GRIK1: variants seen among roughly 807,000 people sequenced by gnomAD.
The protein encoded by GRIK1 is glutamate receptor ionotropic, kainate 1.
A neutral mutation model predicts 105.7 loss-of-function variants in GRIK1; 69 were observed. The ratio of observed to expected loss-of-function variants is 0.65; its 90% CI spans 0.54 to 0.80. The LOEUF is 0.80. Among genes scored for constraint, GRIK1 ranks in the 30% least tolerant of loss-of-function variants. The pLI is 0.00. For missense variants in GRIK1, 1,109 were observed against 1,167.3 expected (o/e 0.95, Z 0.73); for synonymous variants, 438 against 431.3 (o/e 1.02, Z -0.19).
At chr21:29,789,664 A>G (rs992520323) in intron 1 of GRIK1, among the ~76,000 whole-genome samples, 7 of 152,180 alleles carry the variant, frequency 4.6e-5, no homozygotes, top group African/African-American at 1.7e-4. Context: ...TGTTATTGCA[A>G]AAGTCCTTTC....
intron 3 of GRIK1, among the ~76,000 whole-genome samples, chr21:29,682,777 C>G (rs947894029): frequency 5.3e-5 from 8 of 152,116 alleles, no homozygotes; most frequent in Admixed American, 5.2e-4. Context: ...CAAACATTGA[C>G]AAGTGGGACC....
At chr21:29,934,332 T>C (rs1240696887) in intron 1 of GRIK1, among the ~76,000 whole-genome samples, 2 of 152,206 alleles carry the variant, frequency 1.3e-5, no homozygotes, top group Non-Finnish European at 2.9e-5. Flanking sequence ...TAATTTCTTA[T>C]ATTCGATTTC....
intron 1 of GRIK1, among the ~76,000 whole-genome samples, chr21:29,915,299 G>A (rs1401826329): frequency 6.6e-6 from 1 of 151,938 alleles, no homozygotes; most frequent in African/African-American, 2.4e-5. Flanking sequence ...ACTTGATCTG[G>A]CATATCCAAC....
At chr21:29,610,261 G>C (rs988997274) in intron 7 of GRIK1, among the ~76,000 whole-genome samples, 1 of 152,090 alleles carries the variant, frequency 6.6e-6, no homozygotes, top group African/African-American at 2.4e-5. Flanking sequence ...TAAATGTCAT[G>C]CTTTTCCCCA....
chr21:29,739,942 A>G (rs1211591920), intron 1 of GRIK1, among the ~76,000 whole-genome samples: 1 of 152,216 alleles, frequency 6.6e-6, no homozygotes, highest in East Asian at 1.9e-4. Flanking sequence ...TTTATAGATA[A>G]CTGTCATATG....
intron 1 of GRIK1, among the ~76,000 whole-genome samples, chr21:29,739,277 T>C (rs114136792): frequency 6.6e-6 from 1 of 152,050 alleles, no homozygotes; most frequent in Non-Finnish European, 1.5e-5. Flanking sequence ...CTGAATGTGA[T>C]GAGAAACAGA....
chr21:29,714,981 T>G (rs973220885), intron 1 of GRIK1, among the ~76,000 whole-genome samples: 1 of 152,196 alleles, frequency 6.6e-6, no homozygotes, highest in African/African-American at 2.4e-5. Context: ...ATTATTTTCA[T>G]TAGAATTCAG....
chr21:29,697,800 C>T (rs2063732357), intron 1 of GRIK1, among the ~76,000 whole-genome samples: 1 of 152,114 alleles, frequency 6.6e-6, no homozygotes, highest in Admixed American at 6.5e-5. Context: ...AAGGGGCACA[C>T]ACGTTGGGGC....
intron 7 of GRIK1, among the ~76,000 whole-genome samples, chr21:29,635,993 C>T (rs1453030924): frequency 6.6e-6 from 1 of 152,166 alleles, no homozygotes; most frequent in Admixed American, 6.5e-5. Context: ...TCTCCCAGGC[C>T]TACCAGGGAC....
chr21:29,935,565 C>A (rs910050285), intron 1 of GRIK1, among the ~76,000 whole-genome samples: 1 of 152,030 alleles, frequency 6.6e-6, no homozygotes, highest in Non-Finnish European at 1.5e-5. Flanking sequence ...TTAAAATATC[C>A]AAAATGATGC....
At chr21:29,923,118 T>C (rs575952559) in intron 1 of GRIK1, among the ~76,000 whole-genome samples, 1 of 152,336 alleles carries the variant, frequency 6.6e-6, no homozygotes, top group African/African-American at 2.4e-5. Flanking sequence ...TGACTGAGTA[T>C]GAATTATGCT....
chr21:29,540,970 A>AAT (rs1472823088), intron 16 of GRIK1, among the ~76,000 whole-genome samples: 51 of 134,630 alleles, frequency 3.8e-4, no homozygotes, highest in Non-Finnish European at 6.9e-4. Flanking sequence ...CTTGCACTTG[A>AAT]TTTTTTTTTT....
chr21:29,554,752 T>C lies in GRIK1; in HGVS notation c.2607+300A>G, dbSNP rs117358871. On this transcript the variant is annotated intron_variant, in intron 16 of 17. Coordinates refer to ENST00000327783, the MANE Select transcript of GRIK1 (RefSeq NM_001330994.2). ...TTTGCCTTTTTCCATCTAGGGTTTC[T>C]ATCTTACGAGCAAACAACAGTTCAA... Among the ~76,000 whole-genome samples the C allele has an allele frequency of 3.3e-5, 5 of 152,346 alleles. No homozygotes were observed. In the East Asian group the frequency reaches 9.6e-4, roughly 29 times the overall value.
intron 1 of GRIK1, among the ~76,000 whole-genome samples, chr21:29,882,086 T>TAAAC (rs1034033201): frequency 5.3e-5 from 8 of 151,888 alleles, no homozygotes; most frequent in African/African-American, 9.7e-5. Context: ...AGAGACAAAT[T>TAAAC]AAACAAACAA....
At chr21:29,847,554 A>G (rs2068160660) in intron 1 of GRIK1, among the ~76,000 whole-genome samples, 1 of 152,208 alleles carries the variant, frequency 6.6e-6, no homozygotes, top group Non-Finnish European at 1.5e-5. Flanking sequence ...AGATTGGGCC[A>G]TTGCACTCCA....
chr21:29,824,714 C>T (rs996303179), intron 1 of GRIK1, among the ~76,000 whole-genome samples: 2 of 151,298 alleles, frequency 1.3e-5, no homozygotes, highest in African/African-American at 2.4e-5. Flanking sequence ...ATTCAGAGGA[C>T]GAGAATCGAG....
intron 7 of GRIK1, among the ~76,000 whole-genome samples, chr21:29,620,728 T>C (rs961517612): frequency 2.0e-5 from 3 of 146,936 alleles, no homozygotes; most frequent in African/African-American, 7.5e-5. Context: ...GGATGTGTTT[T>C]ACCTTCTTCT....
intron 1 of GRIK1, among the ~76,000 whole-genome samples, chr21:29,717,035 C>G (rs914280519): frequency 6.6e-6 from 1 of 152,228 alleles, no homozygotes; most frequent in South Asian, 2.1e-4. Context: ...AAGTGCAGCT[C>G]ACGTCATGGC....
At chr21:29,768,869 G>A (rs2065741735) in intron 1 of GRIK1, among the ~76,000 whole-genome samples, 1 of 152,170 alleles carries the variant, frequency 6.6e-6, no homozygotes, top group Non-Finnish European at 1.5e-5. Context: ...TCACACTCAA[G>A]TCAAATATAA....
Sources: gnomAD v4.1 joint callset for allele counts (sites outside exome capture counted in the v4.1 genomes callset) on GRCh38, gnomAD v4.1.1 for gene constraint, MANE v1.5 for transcripts, NCBI Gene and HGNC (gene_info 2026-07-23, HGNC 2026-07-21) for gene names.